GTPBP1: variants seen among roughly 807,000 people sequenced by gnomAD.
The protein encoded by GTPBP1 is GTP binding protein 1.
GTPBP1 carries 23 observed loss-of-function variants against 62.0 expected under a neutral mutation model. The observed-to-expected ratio is 0.37, with a 90% CI of 0.27 to 0.53. The LOEUF (loss-of-function observed/expected upper bound fraction) is 0.53. GTPBP1 is among the 20% of genes least tolerant of loss of function. GTPBP1 has a pLI of 0.89. For missense variants in GTPBP1, 640 were observed against 917.3 expected (o/e 0.70, Z 3.90); for synonymous variants, 344 against 364.4 (o/e 0.94, Z 0.64).
intron 2 of GTPBP1, among the ~76,000 whole-genome samples, chr22:38,712,161 C>T (rs1452851947): frequency 1.3e-5 from 2 of 152,136 alleles, no homozygotes; most frequent in Admixed American, 6.5e-5. Context: ...AGATGTGAGC[C>T]ACCGTGCCCG....
rs528995698 is a variant in GTPBP1 at position 38,732,954 on chromosome 22, A to G, written c.*2250A>G. The G allele has an allele frequency of 9.8e-5, 15 of 152,484 alleles. No individual in the cohort carries two copies. The highest frequency in any genetic ancestry group is 3.6e-4 in the African/African-American group (15 of 41,584). The allele number at this position is 152,484 out of a possible 1,614,324, so 9.4% of individuals were successfully genotyped here. A position where few individuals can be genotyped will look rare whatever the true frequency, so the allele number is the denominator to read the frequency against. ...CATGATCCACCCGCCTCAGCCTCCC[A>G]AAGTGCTGGGATTACAGGTATGAGC... On this transcript the variant is annotated 3_prime_UTR_variant, in exon 12 of 12. Coordinates refer to ENST00000216044, the MANE Select transcript of GTPBP1 (RefSeq NM_004286.5).
Position 38,730,037 on chromosome 22 carries a change from T to C in GTPBP1, c.1917+375T>C, listed in dbSNP as rs2092748571. On this transcript the variant is annotated intron_variant, in intron 11 of 11. Coordinates refer to ENST00000216044, the MANE Select transcript of GTPBP1 (RefSeq NM_004286.5). This position sits in a 1 kb window ranked among gnomAD's most constrained non-coding sequence, Gnocchi z 5.6. ...GCAGTCCAGCAGGTTTGAGAGACACTGCCTTAGAGGGTCCTCCTCTGTCCC... is the reference window on the plus strand; with the variant it reads ...GCAGTCCAGCAGGTTTGAGAGACACCGCCTTAGAGGGTCCTCCTCTGTCCC... 6.6e-6 allele frequency among the ~76,000 whole-genome samples: 1 copy of C among 152,224 alleles called. No individual in the cohort carries two copies. Among genetic ancestry groups the C allele is most frequent in the African/African-American group, 2.4e-5 (1 of 41,452 alleles).
intron 5 of GTPBP1, chr22:38,723,135 C>T: frequency 1.3e-6 from 1 of 794,562 alleles, no homozygotes; most frequent in Non-Finnish European, 2.3e-6. Context: ...CAGTTCACAT[C>T]ATGAAATTCC....
Position 38,729,450 on chromosome 22 carries a change from T to C in GTPBP1, c.1717-12T>C, listed in dbSNP as rs1240306514. On this transcript the variant is annotated splice_polypyrimidine_tract_variant and intron_variant, in intron 10 of 11. Transcript: ENST00000216044. ...CAGCTCCAGCCTCAGCCTCTCTCCA[T>C]GGCTCCCACAGCTCCTCCAGACCAC... The C allele has an allele frequency of 6.3e-7, 1 of 1,587,898 alleles. No individual in the cohort carries two copies.
intron 6 of GTPBP1, 151 bp downstream of exon 6, chr22:38,724,562 G>C (rs2092717216): frequency 1.7e-6 from 1 of 595,814 alleles, no homozygotes. Flanking sequence ...GGAGGAAATA[G>C]AAGCTTCCAA....
chr22:38,728,393 C>T, intron 10 of GTPBP1: 4 of 516,314 alleles, frequency 7.7e-6, no homozygotes, highest in Non-Finnish European at 1.4e-5. Context: ...TGATCTTCCT[C>T]CATAGAAAAC....
downstream of GTPBP1, chr22:38,735,488 A>G: frequency 3.4e-6 from 1 of 297,102 alleles, no homozygotes; most frequent in Non-Finnish European, 6.7e-6. Flanking sequence ...GCTCAGGGGC[A>G]CTGGCAGGCC....
chr22:38,734,450 C>T, downstream of GTPBP1: 1 of 352,086 alleles, frequency 2.8e-6, no homozygotes, highest in Non-Finnish European at 5.9e-6. Context: ...ACAGGAAAGC[C>T]CCACTGCTCC....
downstream of GTPBP1, chr22:38,740,976 C>G (rs752333482): frequency 3.8e-5 from 60 of 1,575,916 alleles, no homozygotes; most frequent in Non-Finnish European, 5.1e-5. The surrounding 1 kb of genome is among the most constrained non-coding windows in gnomAD (Gnocchi z 4.8). Flanking sequence ...TGGGGAGGAG[C>G]AGGCCGAGGC....
downstream of GTPBP1, chr22:38,739,467 GACGTGTCCCCCTGTC>G (rs1569295716): frequency 2.5e-6 from 4 of 1,604,418 alleles, no homozygotes; most frequent in East Asian, 8.9e-5. This position sits in a 1 kb window ranked among gnomAD's most constrained non-coding sequence, Gnocchi z 6.7. Context: ...GCAGGGAGCA[GACGTGTCCCCCTGTC>G]ACCTCGTGGC....
At chr22:38,734,440 A>G (rs928758159), downstream of GTPBP1, 1 of 358,556 alleles carries the variant, frequency 2.8e-6, no homozygotes, top group Admixed American at 3.8e-5. Flanking sequence ...GTACTGAGAG[A>G]CAGGAAAGCC....
At chr22:38,734,698 A>G (rs1023594008), downstream of GTPBP1, 7 of 179,474 alleles carry the variant, frequency 3.9e-5, no homozygotes, top group Non-Finnish European at 8.5e-5. Context: ...GCCCTAGGTG[A>G]TAGGCAAAAG....
In GTPBP1 at chr22:38,727,916, C is replaced by T. The variant is rs373604654; in HGVS notation, c.1538-67C>T. 2.2e-5 allele frequency: 24 copies of T among 1,096,388 alleles called. No homozygotes were observed. The East Asian group carries it at 2.6e-4, about 12-fold the overall frequency. The allele number at this position is 1,096,388 out of a possible 1,614,324, so 67.9% of individuals were successfully genotyped here. A position where few individuals can be genotyped will look rare whatever the true frequency, so the allele number is the denominator to read the frequency against. Reference sequence around the variant, plus strand: ...TAAGCGTATTTCATGCTTTCACTCACTGCCTCCCGTTGTCCTGAAGCCACC... The same window carrying T: ...TAAGCGTATTTCATGCTTTCACTCATTGCCTCCCGTTGTCCTGAAGCCACC... On this transcript the variant is annotated intron_variant, in intron 9 of 11. Coordinates refer to ENST00000216044, the MANE Select transcript of GTPBP1 (RefSeq NM_004286.5). This position sits in a 1 kb window ranked among gnomAD's most constrained non-coding sequence, Gnocchi z 6.5.
Position 38,719,900 on chromosome 22 carries a change from T to TC in GTPBP1, c.835-1837dup, listed in dbSNP as rs752689787. Among the ~76,000 whole-genome samples, 269 of 151,710 alleles carry TC rather than the reference T, an allele frequency of 1.8e-3. 1 individual carries two copies. The highest frequency in any genetic ancestry group is 3.4e-3 in the Middle Eastern group (1 of 290). On this transcript the variant is annotated intron_variant, in intron 4 of 11. Coordinates refer to ENST00000216044, the MANE Select transcript of GTPBP1 (RefSeq NM_004286.5). The stretch of plus-strand genomic sequence containing the variant: ...TAAGCCATGAATCAGTCACCAGTTA[T>TC]CCCCCACTGCCTTTTATTTTCTTTC...
At position 38,705,955 on chromosome 22, in the gene GTPBP1, G is replaced by A; in HGVS notation, c.-1G>A. 7.0e-7 allele frequency: 1 copy of A among 1,438,438 alleles called. No homozygotes were observed. The highest frequency in any genetic ancestry group is 9.2e-7 in the Non-Finnish European group (1 of 1,091,708). The allele number at this position is 1,438,438 out of a possible 1,614,324, so 89.1% of individuals were successfully genotyped here. On this transcript the variant is annotated 5_prime_UTR_variant, in exon 1 of 12. Coordinates refer to ENST00000216044, the MANE Select transcript of GTPBP1 (RefSeq NM_004286.5). ...CTACGAATTAGCCTAAGTTATTAAA[G>A]ATGGCGACGGAGCGCAGTCGCTCCG...
chr22:38,741,594 C>CAGGTTG, downstream of GTPBP1: 3 of 1,609,956 alleles, frequency 1.9e-6, no homozygotes, highest in Non-Finnish European at 2.5e-6. Context: ...AGTGAGAGGA[C>CAGGTTG]AGGTTGGACA....
chr22:38,742,638 CAG>C (rs2145983562), downstream of GTPBP1: 1 of 1,489,780 alleles, frequency 6.7e-7, no homozygotes, highest in South Asian at 1.3e-5. Context: ...ACAGCCAACA[CAG>C]AAAGAAAGGG....
chr22:38,735,379 G>A, downstream of GTPBP1: 1 of 375,310 alleles, frequency 2.7e-6, no homozygotes, highest in Non-Finnish European at 5.2e-6. Context: ...CAAGAGCCCA[G>A]GAGTTCCATG....
chr22:38,706,727 G>C (rs2092607384), intron 1 of GTPBP1: 1 of 152,254 alleles, frequency 6.6e-6, no homozygotes, highest in East Asian at 1.9e-4. Flanking sequence ...TCTACTTTTC[G>C]AGGCCACCCG....
Sources: gnomAD v4.1 joint callset for allele counts (sites outside exome capture counted in the v4.1 genomes callset) on GRCh38, gnomAD v4.1.1 for gene constraint, Gnocchi (gnomAD v3.1) non-coding constraint, MANE v1.5 for transcripts, NCBI Gene and HGNC (gene_info 2026-07-23, HGNC 2026-07-21) for gene names.